Variants in RBM46 observed in about 807,000 individuals in gnomAD.
The protein encoded by RBM46 is RNA binding motif protein 46.
A neutral mutation model predicts 43.3 loss-of-function variants in RBM46; 12 were observed. The ratio of observed to expected loss-of-function variants is 0.28; its 90% CI spans 0.18 to 0.45. RBM46 has a LOEUF of 0.45. Ranked by LOEUF, RBM46 falls within the 20% of genes least tolerant of loss-of-function variation. The probability of loss-of-function intolerance (pLI) is 1.00; values close to 1 mark genes in which losing one functional copy is unlikely to be tolerated. For synonymous variants in RBM46, 205 were observed against 207.6 expected (o/e 0.99, Z 0.11); for missense variants, 412 against 639.1 (o/e 0.64, Z 3.83).
chr4:154,814,811 A>G (rs1411353837), intron 4 of RBM46, among the ~76,000 whole-genome samples: 1 of 151,760 alleles, frequency 6.6e-6, no homozygotes, highest in Non-Finnish European at 1.5e-5. Flanking sequence ...TCCTTTATAT[A>G]TATCACTGGC....
Position 154,798,767 on chromosome 4 carries a change from ATT to A in RBM46, c.620-6_620-5del, listed in dbSNP as rs33918255. ...TTATTTTAATTCTCTTCAAATTATT[ATT>A]TTTTTTTTACAGGAACATTCCAACT... On this transcript the variant is annotated splice_polypyrimidine_tract_variant and intron_variant, in intron 3 of 4. Coordinates refer to ENST00000281722, the MANE Select transcript of RBM46 (RefSeq NM_144979.5). 1.8e-4 allele frequency: 240 copies of A among 1,331,314 alleles called. No homozygotes were observed. The highest frequency in any genetic ancestry group is 5.3e-4 in the South Asian group (28 of 52,938). The allele number at this position is 1,331,314 out of a possible 1,614,324, so 82.5% of individuals were successfully genotyped here. A position where few individuals can be genotyped will look rare whatever the true frequency, so the allele number is the denominator to read the frequency against.
chr4:154,822,541 G>A (rs529373148), intron 4 of RBM46, among the ~76,000 whole-genome samples: 1 of 151,010 alleles, frequency 6.6e-6, no homozygotes, highest in African/African-American at 2.4e-5. Flanking sequence ...CATATTTTAT[G>A]TTCTAGGAAT....
chr4:154,791,289 A>G (rs1043006469), intron 1 of RBM46, among the ~76,000 whole-genome samples: 1 of 152,192 alleles, frequency 6.6e-6, no homozygotes, highest in Non-Finnish European at 1.5e-5. Context: ...CATCGAACAC[A>G]TTTTGGAGAC....
chr4:154,804,384 G>A (rs1014562646), intron 4 of RBM46, among the ~76,000 whole-genome samples: 1 of 152,026 alleles, frequency 6.6e-6, no homozygotes, highest in African/African-American at 2.4e-5. Context: ...AAACTATCAA[G>A]GCGAATAGTA....
intron 4 of RBM46, among the ~76,000 whole-genome samples, chr4:154,817,878 G>A (rs1735532051): frequency 6.6e-6 from 1 of 151,558 alleles, no homozygotes; most frequent in Admixed American, 6.6e-5. Context: ...TTCTTTAGCT[G>A]TATTAGTTAT....
At chr4:154,790,103 G>C (rs1734004772) in intron 1 of RBM46, among the ~76,000 whole-genome samples, 1 of 151,806 alleles carries the variant, frequency 6.6e-6, no homozygotes, top group South Asian at 2.1e-4. Flanking sequence ...CAATTTTGTT[G>C]ATCTTTTCAA....
intron 1 of RBM46, among the ~76,000 whole-genome samples, chr4:154,793,536 GTACCT>G (rs1358941812): frequency 6.6e-5 from 10 of 152,246 alleles, no homozygotes; most frequent in African/African-American, 2.4e-4. Flanking sequence ...TAATTATTGA[GTACCT>G]TCTGTGTGCC....
chr4:154,794,347 A>C (rs1734247042), intron 1 of RBM46, among the ~76,000 whole-genome samples: 1 of 151,570 alleles, frequency 6.6e-6, no homozygotes, highest in African/African-American at 2.4e-5. Context: ...CGCCCGGCTA[A>C]ATTTTTCTAT....
At chr4:154,822,210 T>G (rs537088797) in intron 4 of RBM46, among the ~76,000 whole-genome samples, 1 of 151,710 alleles carries the variant, frequency 6.6e-6, no homozygotes, top group South Asian at 2.1e-4. Context: ...AAACAAACAT[T>G]TCTTTCACCC....
At chr4:154,792,917 G>A (rs1042633211) in intron 1 of RBM46, among the ~76,000 whole-genome samples, 5 of 152,142 alleles carry the variant, frequency 3.3e-5, no homozygotes, top group Non-Finnish European at 7.4e-5. Flanking sequence ...ACCCCTGAAA[G>A]GGCTTTTTAT....
chr4:154,816,714 A>G (rs932424431), intron 4 of RBM46, among the ~76,000 whole-genome samples: 6 of 151,768 alleles, frequency 4.0e-5, no homozygotes, highest in African/African-American at 1.5e-4. Context: ...TGCACTGGCT[A>G]GAACTACTTT....
At chr4:154,809,391 T>G (rs988797468) in intron 4 of RBM46, among the ~76,000 whole-genome samples, 1 of 152,024 alleles carries the variant, frequency 6.6e-6, no homozygotes, top group Non-Finnish European at 1.5e-5. Flanking sequence ...TAATCAGAAT[T>G]TTTCTGTAAT....
At chr4:154,789,790 A>T (rs1003381897) in intron 1 of RBM46, among the ~76,000 whole-genome samples, 2 of 152,122 alleles carry the variant, frequency 1.3e-5, no homozygotes, top group Non-Finnish European at 2.9e-5. Flanking sequence ...TTTGGCTTTG[A>T]ATCCATCTGG....
chr4:154,811,253 A>T (rs1019957809), intron 4 of RBM46, among the ~76,000 whole-genome samples: 1 of 152,210 alleles, frequency 6.6e-6, no homozygotes, highest in Non-Finnish European at 1.5e-5. Flanking sequence ...ATGGCATAGC[A>T]TATAGGCAAC....
Position 154,820,929 on chromosome 4 carries a change from T to C in RBM46, c.1403-6939T>C, listed in dbSNP as rs964635284. Reference sequence around the variant, plus strand: ...CAAGATTATTACCTCACAAAGTCTTTTTTTACATGTAGAGGCAAAAGAATG... The same window carrying C: ...CAAGATTATTACCTCACAAAGTCTTCTTTTACATGTAGAGGCAAAAGAATG... On this transcript the variant is annotated intron_variant, in intron 4 of 4. Transcript: ENST00000281722. Among the ~76,000 whole-genome samples the C allele has an allele frequency of 5.9e-5, 9 of 151,994 alleles. No individual in the cohort carries two copies. The South Asian group carries it at 1.7e-3, about 28-fold the overall frequency.
intron 4 of RBM46, among the ~76,000 whole-genome samples, chr4:154,824,684 C>T (rs1282957299): frequency 6.6e-6 from 1 of 151,946 alleles, no homozygotes; most frequent in Non-Finnish European, 1.5e-5. Flanking sequence ...AAAAAAAAAG[C>T]ATCCTTATTT....
At chr4:154,781,860 G>T (rs867538599) in intron 1 of RBM46, 2 of 152,304 alleles carry the variant, frequency 1.3e-5, no homozygotes, top group African/African-American at 4.8e-5. Flanking sequence ...GGCCCGGGCC[G>T]CTGCCTGGCC....
rs1424518765 is a variant in RBM46, at chr4:154,802,648, A to T, written c.1402+3084A>T. On this transcript the variant is annotated intron_variant, in intron 4 of 4. Transcript: ENST00000281722. The stretch of plus-strand genomic sequence containing the variant: ...TTTGAAGTCTTGAGAGGTTGTTATT[A>T]GTTCCTAGAGTTTCTCAAACGAAGT... Among the ~76,000 whole-genome samples, 3 of 150,536 alleles carry T rather than the reference A, an allele frequency of 2.0e-5. No homozygotes were observed. The East Asian group carries it at 5.8e-4, about 29-fold the overall frequency.
intron 4 of RBM46, chr4:154,827,525 C>T: frequency 1.9e-6 from 2 of 1,050,876 alleles, no homozygotes; most frequent in South Asian, 7.5e-5. Context: ...TGGACTACCC[C>T]TTAGAACCAA....
Sources: gnomAD v4.1 joint callset for allele counts (sites outside exome capture counted in the v4.1 genomes callset) on GRCh38, gnomAD v4.1.1 for gene constraint, MANE v1.5 for transcripts, NCBI Gene and HGNC (gene_info 2026-07-23, HGNC 2026-07-21) for gene names.